Variants in SEPTIN9 observed in about 807,000 individuals in gnomAD.
SEPTIN9 encodes septin-9.
SEPTIN9 carries 13 observed loss-of-function variants against 56.6 expected under a neutral mutation model. That is an observed-to-expected ratio of 0.23 (90% CI 0.15 to 0.37). SEPTIN9 has a LOEUF of 0.37. Among genes scored for constraint, SEPTIN9 ranks in the 10% least tolerant of loss-of-function variants. SEPTIN9 has a pLI of 1.00. For missense variants in SEPTIN9, 650 were observed against 823.1 expected, an observed-to-expected ratio of 0.79 and a Z score of 2.57; for synonymous variants, 332 against 334.1, an observed-to-expected ratio of 0.99 and a Z score of 0.07.
At position 77,421,458 on chromosome 17, in the gene SEPTIN9, G is replaced by A. The variant is rs1035143288; in HGVS notation, c.721+18755G>A. 1.3e-5 allele frequency among the ~76,000 whole-genome samples: 2 copies of A among 152,202 alleles called. No individual in the cohort carries two copies. On this transcript the variant is annotated intron_variant, in intron 3 of 11. Transcript: ENST00000427177. The surrounding 1 kb of genome is among the most constrained non-coding windows in gnomAD (Gnocchi z 4.6). ...AGGAAGTCTTTTGGCTGCGGTGGAG[G>A]TGGGGGTCTGTGCTTCCCTGGGGAC...
intron 3 of SEPTIN9, among the ~76,000 whole-genome samples, chr17:77,422,608 A>G (rs1345021671): frequency 2.0e-5 from 3 of 152,142 alleles, no homozygotes; most frequent in Non-Finnish European, 4.4e-5. Context: ...CCCAGGGAGC[A>G]CTCAGGGCTG....
chr17:77,453,051 G>A lies in SEPTIN9; in HGVS notation c.722-29093G>A, dbSNP rs1020137132. Reference sequence around the variant, plus strand: ...TCTGTCCCCTGGCCATTTCTGTGTCGGGGTGGCTGAGACACTATTGCATTG... The same window carrying A: ...TCTGTCCCCTGGCCATTTCTGTGTCAGGGTGGCTGAGACACTATTGCATTG... On this transcript the variant is annotated intron_variant, in intron 3 of 11. Coordinates refer to ENST00000427177, the MANE Select transcript of SEPTIN9 (RefSeq NM_001113491.2). This position sits in a 1 kb window ranked among gnomAD's most constrained non-coding sequence, Gnocchi z 4.4. Among the ~76,000 whole-genome samples the A allele has an allele frequency of 1.3e-5, 2 of 151,506 alleles. No individual in the cohort carries two copies. The highest frequency in any genetic ancestry group is 1.3e-4 in the Admixed American group (2 of 15,164).
chr17:77,348,037 A>G (rs1284968404), intron 2 of SEPTIN9, among the ~76,000 whole-genome samples: 1 of 152,142 alleles, frequency 6.6e-6, no homozygotes, highest in African/African-American at 2.4e-5. Flanking sequence ...TCTTTTTCCA[A>G]ACAGAAAATT....
Position 77,500,065 on chromosome 17 carries a change from G to C in SEPTIN9, c.*1407G>C. 1 of 234,600 alleles carries C rather than the reference G, an allele frequency of 4.3e-6. No homozygotes were observed. The highest frequency in any genetic ancestry group is 8.4e-6 in the Non-Finnish European group (1 of 119,140). The allele number at this position is 234,600 out of a possible 1,614,324, so 14.5% of individuals were successfully genotyped here. On this transcript the variant is annotated 3_prime_UTR_variant, in exon 12 of 12. Coordinates refer to ENST00000427177, the MANE Select transcript of SEPTIN9 (RefSeq NM_001113491.2). ...CTGTCTTGCTCCTGGGGAGAAAGAGGGGCCTGATGAGACTCCACTCAGGTG... is the reference window on the plus strand; with the variant it reads ...CTGTCTTGCTCCTGGGGAGAAAGAGCGGCCTGATGAGACTCCACTCAGGTG...
rs1059485 is a variant in SEPTIN9, at chr17:77,498,664, A to T, written c.*6A>T. 1 of 1,583,136 alleles carries T rather than the reference A, an allele frequency of 6.3e-7. No homozygotes were observed. The highest frequency in any genetic ancestry group is 8.6e-7 in the Non-Finnish European group (1 of 1,166,088). On this transcript the variant is annotated 3_prime_UTR_variant, in exon 12 of 12. Coordinates refer to ENST00000427177, the MANE Select transcript of SEPTIN9 (RefSeq NM_001113491.2). ...CAGAAGCCCCGGAGATGTAGACGCC[A>T]CCCTGCCCACCCCCGGGATCCTGCC...
At chr17:77,462,302 C>T (rs564567827) in intron 3 of SEPTIN9, among the ~76,000 whole-genome samples, 2 of 152,302 alleles carry the variant, frequency 1.3e-5, no homozygotes, top group Non-Finnish European at 2.9e-5. Flanking sequence ...AGAGCAGTGG[C>T]CCGATCACGG....
chr17:77,484,907 GTGATGAT>G (rs2039657186), intron 4 of SEPTIN9, among the ~76,000 whole-genome samples: 1 of 21,536 alleles, frequency 4.6e-5, no homozygotes, highest in African/African-American at 5.1e-4. Flanking sequence ...GGTGGTGATG[GTGATGAT>G]GGTGGTGATT....
chr17:77,405,393 C>T lies in SEPTIN9; in HGVS notation c.721+2690C>T, dbSNP rs1367814437. 6.6e-6 allele frequency among the ~76,000 whole-genome samples: 1 copy of T among 152,182 alleles called. No homozygotes were observed. Among genetic ancestry groups the T allele is most frequent in the East Asian group, 1.9e-4 (1 of 5,182 alleles). On this transcript the variant is annotated intron_variant, in intron 3 of 11. Coordinates refer to ENST00000427177, the MANE Select transcript of SEPTIN9 (RefSeq NM_001113491.2). This position sits in a 1 kb window ranked among gnomAD's most constrained non-coding sequence, Gnocchi z 5.8. ...GAGAGAAAGGCAGGCCACGTGGAGG[C>T]AGCAGCGTTCAGAGCTGCCAGGAAC...
In SEPTIN9 at chr17:77,319,215, AT is replaced by A. The variant is rs112312386; in HGVS notation, c.76+12020del. ...CTTAAAGACAGAGAGGATGCCCCTGATTCCCACCCCAGGGACCCACATTGTA... is the reference window on the plus strand; with the variant it reads ...CTTAAAGACAGAGAGGATGCCCCTGATCCCACCCCAGGGACCCACATTGTA... On this transcript the variant is annotated intron_variant, in intron 2 of 11. Transcript: ENST00000427177. The surrounding 1 kb of genome is among the most constrained non-coding windows in gnomAD (Gnocchi z 5.3). 1.3e-5 allele frequency among the ~76,000 whole-genome samples: 2 copies of A among 152,206 alleles called. No individual in the cohort carries two copies. Among genetic ancestry groups the A allele is most frequent in the African/African-American group, 4.8e-5 (2 of 41,536 alleles).
At chr17:77,460,032 CA>C (rs2038393322) in intron 3 of SEPTIN9, among the ~76,000 whole-genome samples, 1 of 152,076 alleles carries the variant, frequency 6.6e-6, no homozygotes, top group Non-Finnish European at 1.5e-5. Flanking sequence ...GGGAGGGCAC[CA>C]AACCATCCAT....
At chr17:77,292,857 C>T (rs933268170) in intron 1 of SEPTIN9, among the ~76,000 whole-genome samples, 2 of 152,180 alleles carry the variant, frequency 1.3e-5, no homozygotes, top group African/African-American at 2.4e-5. Context: ...CCACTGGTCT[C>T]GCTCCACGTG....
chr17:77,325,986 G>A (rs1037895668), intron 2 of SEPTIN9, among the ~76,000 whole-genome samples: 1 of 152,154 alleles, frequency 6.6e-6, no homozygotes, highest in Non-Finnish European at 1.5e-5. Context: ...AAGTGGAAGT[G>A]GGGCGTGAGG....
At chr17:77,469,962 C>G (rs1447365603) in intron 3 of SEPTIN9, among the ~76,000 whole-genome samples, 2 of 149,790 alleles carry the variant, frequency 1.3e-5, no homozygotes, top group South Asian at 2.1e-4. Context: ...CACTCACCCA[C>G]CCATCCACTC....
chr17:77,292,489 GT>G (rs796816161), intron 1 of SEPTIN9, among the ~76,000 whole-genome samples: 71 of 141,236 alleles, frequency 5.0e-4, no homozygotes, highest in Admixed American at 7.0e-4. Flanking sequence ...GCAGTTTTTT[GT>G]TTTTTTTTTT....
At chr17:77,430,390 G>T (rs1284439527) in intron 3 of SEPTIN9, among the ~76,000 whole-genome samples, 2 of 152,176 alleles carry the variant, frequency 1.3e-5, no homozygotes, top group Non-Finnish European at 1.5e-5. Context: ...TCATGCAGCG[G>T]GGGGTGGAGG....
In SEPTIN9 at chr17:77,476,255, G is replaced by A. The variant is rs1210484828; in HGVS notation, c.722-5889G>A. ...AGCCTGCTGTGTCAAGCCCTCTCTC[G>A]GCACCAGGCCAGGTGGGCCAGGGTC... On this transcript the variant is annotated intron_variant, in intron 3 of 11. Coordinates refer to ENST00000427177, the MANE Select transcript of SEPTIN9 (RefSeq NM_001113491.2). This position sits in a 1 kb window ranked among gnomAD's most constrained non-coding sequence, Gnocchi z 6.0. Among the ~76,000 whole-genome samples, 5 of 152,266 alleles carry A rather than the reference G, an allele frequency of 3.3e-5. No individual in the cohort carries two copies. Among genetic ancestry groups the A allele is most frequent in the Admixed American group, 1.3e-4 (2 of 15,308 alleles).
chr17:77,397,381 G>A (rs540137545), intron 2 of SEPTIN9, among the ~76,000 whole-genome samples: 4 of 152,182 alleles, frequency 2.6e-5, no homozygotes, highest in African/African-American at 4.8e-5. Context: ...TAAGGACACC[G>A]AGCACTGGAT....
At chr17:77,471,800 C>T (rs774347699) in intron 3 of SEPTIN9, among the ~76,000 whole-genome samples, 3 of 152,192 alleles carry the variant, frequency 2.0e-5, no homozygotes, top group Non-Finnish European at 4.4e-5. Context: ...AGGGCTGGCA[C>T]GGGCTGGATC....
intron 1 of SEPTIN9, among the ~76,000 whole-genome samples, chr17:77,285,081 G>A (rs1421231753): frequency 1.3e-5 from 2 of 152,302 alleles, no homozygotes; most frequent in Admixed American, 6.5e-5. Context: ...CTGGGGTTAC[G>A]CCATTGCTAG....
Sources: gnomAD v4.1 joint callset for allele counts (sites outside exome capture counted in the v4.1 genomes callset) on GRCh38, gnomAD v4.1.1 for gene constraint, Gnocchi (gnomAD v3.1) non-coding constraint, MANE v1.5 for transcripts, NCBI Gene and HGNC (gene_info 2026-07-23, HGNC 2026-07-21) for gene names.